NRXN3: variants seen among roughly 807,000 people sequenced by gnomAD.
The protein encoded by NRXN3 is neurexin III.
NRXN3 carries 32 observed loss-of-function variants against 137.6 expected under a neutral mutation model. The observed-to-expected ratio is 0.23, with a 90% CI of 0.18 to 0.31. NRXN3 has a LOEUF of 0.31. NRXN3 is among the 10% of genes least tolerant of loss of function. The probability of loss-of-function intolerance (pLI) is 1.00; values close to 1 mark genes in which losing one functional copy is unlikely to be tolerated. For synonymous variants in NRXN3, 798 were observed against 784.5 expected, an observed-to-expected ratio of 1.02 and a Z score of -0.29; for missense variants, 1,574 against 2,062.5, an observed-to-expected ratio of 0.76 and a Z score of 4.59.
At position 79,082,391 on chromosome 14, in the gene NRXN3, T is replaced by TTGTGTGTGTGTGTG. The variant is rs57728169; in HGVS notation, c.3262+94266_3262+94279dup. 8.5e-3 allele frequency among the ~76,000 whole-genome samples: 1,245 copies of TTGTGTGTGTGTGTG among 147,008 alleles called. 8 individuals carry two copies. Among genetic ancestry groups the TTGTGTGTGTGTGTG allele is most frequent in the Middle Eastern group, 0.031 (9 of 290 alleles). On this transcript the variant is annotated intron_variant, in intron 15 of 20. Coordinates refer to ENST00000335750, the MANE Select transcript of NRXN3 (RefSeq NM_001330195.2). ...CCAAACTCCTGTGTATGCAAACTAA[T>TTGTGTGTGTGTGTG]TGTGTGTGTGTGTGTGTGTGTGTGT...
chr14:79,379,866 T>G (rs1327374352), intron 15 of NRXN3, among the ~76,000 whole-genome samples: 3 of 152,116 alleles, frequency 2.0e-5, no homozygotes. Flanking sequence ...TTTCATTTTT[T>G]TTTTTGCATA....
chr14:78,457,962 C>T (rs557800564), intron 4 of NRXN3, among the ~76,000 whole-genome samples: 3 of 152,232 alleles, frequency 2.0e-5, no homozygotes, highest in African/African-American at 7.2e-5. Flanking sequence ...GGAGACACCC[C>T]CCGCTCCAGT....
chr14:78,989,998 C>T (rs1254183914), intron 15 of NRXN3, among the ~76,000 whole-genome samples: 2 of 152,136 alleles, frequency 1.3e-5, no homozygotes, highest in South Asian at 2.1e-4. Context: ...CATTCTGTGA[C>T]TGTTTCTGGT....
intron 20 of NRXN3, among the ~76,000 whole-genome samples, chr14:79,833,492 C>T (rs1294306856): frequency 6.6e-6 from 1 of 152,062 alleles, no homozygotes; most frequent in Non-Finnish European, 1.5e-5. Flanking sequence ...TTTTGTAATG[C>T]TGTCCTCTTA....
intron 16 of NRXN3, among the ~76,000 whole-genome samples, chr14:79,597,076 T>G (rs2097865357): frequency 6.6e-6 from 1 of 152,192 alleles, no homozygotes. Context: ...CTTCTTTTTA[T>G]ACTCTGTGCA....
chr14:78,588,421 G>A (rs1240257876), intron 4 of NRXN3, among the ~76,000 whole-genome samples: 2 of 152,130 alleles, frequency 1.3e-5, no homozygotes, highest in African/African-American at 4.8e-5. Context: ...TAACTAAATG[G>A]GACATGTCTC....
intron 4 of NRXN3, among the ~76,000 whole-genome samples, chr14:78,345,686 A>G (rs573291540): frequency 6.6e-6 from 1 of 152,244 alleles, no homozygotes; most frequent in Non-Finnish European, 1.5e-5. Flanking sequence ...TATGGGTTAT[A>G]AAGAGGAACC....
chr14:78,919,937 A>G (rs1402506210), intron 10 of NRXN3, among the ~76,000 whole-genome samples: 1 of 152,216 alleles, frequency 6.6e-6, no homozygotes, highest in African/African-American at 2.4e-5. Flanking sequence ...ATCTGAAGGT[A>G]TGCCATTCTC....
intron 19 of NRXN3, among the ~76,000 whole-genome samples, chr14:79,801,610 T>A (rs2099181339): frequency 6.6e-6 from 1 of 152,204 alleles, no homozygotes; most frequent in African/African-American, 2.4e-5. Context: ...GATTCACAGT[T>A]GTGCTATGTC....
rs1031583795 is a variant in NRXN3, at chr14:79,418,419, G to C, written c.3263-48802G>C. Among the ~76,000 whole-genome samples, 5 of 152,226 alleles carry C rather than the reference G, an allele frequency of 3.3e-5. No individual in the cohort carries two copies. The East Asian group carries it at 9.6e-4, about 29-fold the overall frequency. The stretch of plus-strand genomic sequence containing the variant: ...CAGATTTGGTTTCATTTTAGTGAAG[G>C]GTTAAGTAATTTTAAGGCGTTAAAA... On this transcript the variant is annotated intron_variant, in intron 15 of 20. Coordinates refer to ENST00000335750, the MANE Select transcript of NRXN3 (RefSeq NM_001330195.2).
chr14:79,140,845 A>G (rs778735183), intron 15 of NRXN3, among the ~76,000 whole-genome samples: 5 of 152,158 alleles, frequency 3.3e-5, no homozygotes, highest in Non-Finnish European at 7.4e-5. Context: ...CACTTTTAGA[A>G]TGCCTTAACT....
chr14:79,418,687 A>C (rs567226618), intron 15 of NRXN3, among the ~76,000 whole-genome samples: 1 of 152,332 alleles, frequency 6.6e-6, no homozygotes, highest in Non-Finnish European at 1.5e-5. Context: ...CTATACTCTT[A>C]AGAAGTTCAT....
chr14:78,957,538 T>G (rs1484037272), intron 11 of NRXN3, among the ~76,000 whole-genome samples, 177 bp downstream of exon 11: 2 of 152,194 alleles, frequency 1.3e-5, no homozygotes, highest in Non-Finnish European at 2.9e-5. Context: ...TTACAATACC[T>G]TTTCATCAAT....
intron 20 of NRXN3, among the ~76,000 whole-genome samples, chr14:79,809,895 C>G (rs1603570476): frequency 1.3e-5 from 2 of 152,176 alleles, no homozygotes; most frequent in South Asian, 4.1e-4. Context: ...AGGATACCCT[C>G]ATGAGATTAT....
intron 15 of NRXN3, among the ~76,000 whole-genome samples, chr14:79,204,358 C>T (rs995584988): frequency 2.0e-5 from 3 of 151,526 alleles, no homozygotes; most frequent in Non-Finnish European, 4.4e-5. Flanking sequence ...CCAACAAATG[C>T]CTCATATGGT....
At chr14:78,736,291 A>T (rs577289637) in intron 8 of NRXN3, among the ~76,000 whole-genome samples, 1 of 152,178 alleles carries the variant, frequency 6.6e-6, no homozygotes, top group African/African-American at 2.4e-5. Context: ...GGTGTGATGG[A>T]TAGACTGTAG....
At chr14:78,870,268 C>T (rs1032912268) in intron 10 of NRXN3, among the ~76,000 whole-genome samples, 3 of 152,160 alleles carry the variant, frequency 2.0e-5, no homozygotes, top group Admixed American at 1.3e-4. Flanking sequence ...TGGTATTTCC[C>T]GTTAAGCACA....
chr14:78,868,487 G>A (rs1440738056), intron 10 of NRXN3, among the ~76,000 whole-genome samples: 3 of 152,072 alleles, frequency 2.0e-5, no homozygotes, highest in Non-Finnish European at 4.4e-5. Flanking sequence ...AATGCTAGAT[G>A]GAGTTAGTGT....
chr14:79,226,814 CTTTTTTTTTT>C (rs3035642), intron 15 of NRXN3, among the ~76,000 whole-genome samples: 2 of 98,480 alleles, frequency 2.0e-5, no homozygotes, highest in Admixed American at 1.0e-4. Context: ...TCCTTTTTTT[CTTTTTTTTTT>C]TTTTTTTTTG....
Sources: gnomAD v4.1 joint callset for allele counts (sites outside exome capture counted in the v4.1 genomes callset) on GRCh38, gnomAD v4.1.1 for gene constraint, MANE v1.5 for transcripts, NCBI Gene and HGNC (gene_info 2026-07-23, HGNC 2026-07-21) for gene names.